Variants in CDH4 observed in about 807,000 individuals in gnomAD.
CDH4 encodes the protein cadherin-4.
Under a neutral mutation model 86.0 loss-of-function variants are expected in CDH4, and 33 were observed. The observed-to-expected ratio is 0.38, with a 90% CI of 0.29 to 0.51. CDH4 has a LOEUF of 0.51. Among genes scored for constraint, CDH4 ranks in the 20% least tolerant of loss-of-function variants. The pLI, the probability that CDH4 is intolerant of heterozygous loss-of-function variation, is 0.86. For missense variants in CDH4, 1,114 were observed against 1,307.4 expected, an observed-to-expected ratio of 0.85 and a Z score of 2.28; for synonymous variants, 555 against 549.4, an observed-to-expected ratio of 1.01 and a Z score of -0.14.
At chr20:61,486,143 G>T (rs1248274688) in intron 2 of CDH4, among the ~76,000 whole-genome samples, 2 of 152,314 alleles carry the variant, frequency 1.3e-5, no homozygotes, top group Admixed American at 6.5e-5. Flanking sequence ...AAGAAACTCA[G>T]CTAAAGGCAA....
At chr20:61,586,662 C>G (rs769909844) in intron 2 of CDH4, among the ~76,000 whole-genome samples, 6 of 152,160 alleles carry the variant, frequency 3.9e-5, no homozygotes, top group Non-Finnish European at 7.4e-5. Context: ...AGTTGATCAG[C>G]GTGACTTTAC....
intron 2 of CDH4, among the ~76,000 whole-genome samples, chr20:61,479,275 T>A (rs2085556342): frequency 6.6e-6 from 1 of 152,168 alleles, no homozygotes; most frequent in African/African-American, 2.4e-5. Flanking sequence ...TATGTATACA[T>A]GTGCCATGTT....
intron 2 of CDH4, among the ~76,000 whole-genome samples, chr20:61,414,215 G>A (rs960441706): frequency 7.2e-5 from 11 of 152,332 alleles, no homozygotes; most frequent in Admixed American, 2.0e-4. Flanking sequence ...CAGGTTAGCC[G>A]GCTTGATGTC....
chr20:61,828,985 A>G (rs1161617394), intron 4 of CDH4, among the ~76,000 whole-genome samples: 1 of 152,174 alleles, frequency 6.6e-6, no homozygotes, highest in Non-Finnish European at 1.5e-5. Flanking sequence ...GCAGGTCACA[A>G]CAGGGTCCAC....
intron 2 of CDH4, among the ~76,000 whole-genome samples, chr20:61,690,166 G>A (rs552235308): frequency 1.6e-4 from 22 of 141,332 alleles, no homozygotes; most frequent in South Asian, 6.9e-4. Flanking sequence ...GTCATCCAGT[G>A]GGGACAGTGG....
At chr20:61,441,204 G>T (rs2085313586) in intron 2 of CDH4, among the ~76,000 whole-genome samples, 1 of 152,168 alleles carries the variant, frequency 6.6e-6, no homozygotes, top group South Asian at 2.1e-4. Context: ...TCCATCCATG[G>T]CAGGAGCCAA....
intron 2 of CDH4, among the ~76,000 whole-genome samples, chr20:61,597,921 G>C (rs548362091): frequency 6.6e-6 from 1 of 152,356 alleles, no homozygotes; most frequent in South Asian, 2.1e-4. Flanking sequence ...GACCAGCAGA[G>C]AACTCTTTCC....
At chr20:61,578,287 T>A (rs1463383876) in intron 2 of CDH4, among the ~76,000 whole-genome samples, 1 of 152,176 alleles carries the variant, frequency 6.6e-6, no homozygotes, top group Non-Finnish European at 1.5e-5. Context: ...TGGGGGGGAA[T>A]GACACACTGC....
intron 2 of CDH4, among the ~76,000 whole-genome samples, chr20:61,620,191 T>TGGATGGATGGATGGATGGAC (rs1464353677): frequency 2.1e-5 from 3 of 143,850 alleles, no homozygotes; most frequent in African/African-American, 5.3e-5. Flanking sequence ...GGTGGGTGGA[T>TGGATGGATGGATGGATGGAC]GGATGGATGG....
intron 2 of CDH4, among the ~76,000 whole-genome samples, chr20:61,284,080 T>C (rs949014084): frequency 6.7e-6 from 1 of 149,832 alleles, no homozygotes; most frequent in Non-Finnish European, 1.5e-5. Flanking sequence ...ACAAGGCGGG[T>C]GGATCACAAG....
At chr20:61,877,323 G>C (rs966749275) in intron 7 of CDH4, among the ~76,000 whole-genome samples, 1 of 152,056 alleles carries the variant, frequency 6.6e-6, no homozygotes, top group Non-Finnish European at 1.5e-5. Flanking sequence ...GGGCCAGCCT[G>C]CTCCCCAAGG....
At chr20:61,342,076 G>C (rs1332192649) in intron 2 of CDH4, among the ~76,000 whole-genome samples, 1 of 152,184 alleles carries the variant, frequency 6.6e-6, no homozygotes, top group East Asian at 1.9e-4. Flanking sequence ...TGCCAGCCGT[G>C]CATGTAGGGT....
intron 4 of CDH4, among the ~76,000 whole-genome samples, chr20:61,812,213 G>A (rs1980476397): frequency 1.3e-5 from 2 of 152,136 alleles, no homozygotes; most frequent in African/African-American, 4.8e-5. Flanking sequence ...GGAGGGAAGT[G>A]GTAGGGGTCG....
chr20:61,365,150 G>A (rs539208427), intron 2 of CDH4, among the ~76,000 whole-genome samples: 5 of 152,314 alleles, frequency 3.3e-5, no homozygotes, highest in African/African-American at 1.2e-4. Context: ...CTGTGTGCTT[G>A]GTAAGATCAT....
At chr20:61,333,828 G>A (rs1206827679) in intron 2 of CDH4, among the ~76,000 whole-genome samples, 1 of 152,248 alleles carries the variant, frequency 6.6e-6, no homozygotes, top group Non-Finnish European at 1.5e-5. Context: ...ACTCCACATG[G>A]CTCTGGTGCC....
chr20:61,722,890 C>T (rs528003535), intron 2 of CDH4, among the ~76,000 whole-genome samples: 1 of 152,262 alleles, frequency 6.6e-6, no homozygotes, highest in South Asian at 2.1e-4. Flanking sequence ...GAAGACGTTC[C>T]TGGGACGATG....
Position 61,417,819 on chromosome 20 carries a change from A to G in CDH4, c.169+162882A>G, listed in dbSNP as rs1568836793. 6.6e-6 allele frequency among the ~76,000 whole-genome samples: 1 copy of G among 152,112 alleles called. No homozygotes were observed. The highest frequency in any genetic ancestry group is 6.5e-5 in the Admixed American group (1 of 15,280). ...AAGTCTGAGTTTGGAAGGCGCCGCC[A>G]GAGACTGCACTTCAGTGTACTGTGG... On this transcript the variant is annotated intron_variant, in intron 2 of 15. Transcript: ENST00000614565. This position sits in a 1 kb window ranked among gnomAD's most constrained non-coding sequence, Gnocchi z 4.0.
chr20:61,906,358 A>G (rs1056089037), intron 8 of CDH4, among the ~76,000 whole-genome samples: 1 of 152,240 alleles, frequency 6.6e-6, no homozygotes, highest in Non-Finnish European at 1.5e-5. Flanking sequence ...CCTCGGGCCA[A>G]CACCACACTA....
intron 14 of CDH4, among the ~76,000 whole-genome samples, chr20:61,933,687 T>A (rs2055142114): frequency 6.9e-6 from 1 of 145,466 alleles, no homozygotes; most frequent in Non-Finnish European, 1.5e-5. Context: ...TCCCCGCCCC[T>A]CCCGCAACAC....
Sources: gnomAD v4.1 joint callset for allele counts (sites outside exome capture counted in the v4.1 genomes callset) on GRCh38, gnomAD v4.1.1 for gene constraint, Gnocchi (gnomAD v3.1) non-coding constraint, MANE v1.5 for transcripts, NCBI Gene and HGNC (gene_info 2026-07-23, HGNC 2026-07-21) for gene names.